ITGB7: variants seen among roughly 807,000 people sequenced by gnomAD.
ITGB7 encodes integrin subunit beta 7, also known as integrin beta-7.
Under a neutral mutation model 83.4 loss-of-function variants are expected in ITGB7, and 55 were observed. That is an observed-to-expected ratio of 0.66 (90% confidence interval 0.53 to 0.83). ITGB7 has a LOEUF of 0.83. Among genes scored for constraint, ITGB7 ranks in the 40% least tolerant of loss-of-function variants. ITGB7 has a pLI of 0.00. For synonymous variants in ITGB7, 454 were observed against 423.6 expected (o/e 1.07, Z -0.88); for missense variants, 921 against 1,046.7 (o/e 0.88, Z 1.66).
chr12:53,192,454 C>T lies in ITGB7; in HGVS notation c.2031G>A (p.Leu677=). The T allele has an allele frequency of 6.2e-7, 1 of 1,614,166 alleles. No individual in the cohort carries two copies. Among genetic ancestry groups the T allele is most frequent in the Non-Finnish European group, 8.5e-7 (1 of 1,180,044 alleles). ...CATCATCCAAGATAGGGGCCAAGGC[C>T]AGGGTCACATTGGTATGGGCACAAG... ...STACAHTNVT[L]ALAPILDDGW... is the part of the protein sequence containing the mutation. The change falls in exon 14 of 16, where the codon CTG becomes CTA. Residue 677 remains leucine (L), a synonymous_variant. Coordinates refer to ENST00000267082, the MANE Select transcript of ITGB7 (RefSeq NM_000889.3).
At position 53,197,921 on chromosome 12, in the gene ITGB7, G is replaced by GCGCCTC. The variant is rs1206156730; in HGVS notation, c.226_231dup (p.Glu76_Ala77dup). 6.5e-7 allele frequency: 1 copy of GCGCCTC among 1,543,652 alleles called. No individual in the cohort carries two copies. Among genetic ancestry groups the GCGCCTC allele is most frequent in the Non-Finnish European group, 8.7e-7 (1 of 1,152,652 alleles). ...AGCTCCTCTCGTCGGGCGCAGCGCC[G>GCGCCTC]CGCCTCCGCCTCTCCCGACGCGGTG... On this transcript the variant is annotated inframe_insertion, in exon 4 of 16. Coordinates refer to ENST00000267082, the MANE Select transcript of ITGB7 (RefSeq NM_000889.3).
At position 53,197,392 on chromosome 12, in the gene ITGB7, A is replaced by G. The variant is rs765727673; in HGVS notation, c.574+101T>C. The G allele has an allele frequency of 5.9e-6, 8 of 1,366,106 alleles. No homozygotes were observed. In the Admixed American group the frequency reaches 1.3e-4, roughly 23 times the overall value. 84.6% of individuals were successfully genotyped at this position (1,366,106 alleles called of 1,614,324 possible). A position where few individuals can be genotyped will look rare whatever the true frequency, so the allele number is the denominator to read the frequency against. ...CTGGCTAGGCCTGTCAACAACTGGG[A>G]GGGCAAGTTGGGGCCCTTGTGAGTC... On this transcript the variant is annotated intron_variant, in intron 5 of 15. Transcript: ENST00000267082.
rs1942121902 is a variant in ITGB7 at position 53,195,374 on chromosome 12, A to G, written c.1161T>C (p.Asn387=). Residue 387 remains asparagine (N), a splice_region_variant and synonymous_variant, in exon 9 of 16, where the codon AAT becomes AAC. Coordinates refer to ENST00000267082, the MANE Select transcript of ITGB7 (RefSeq NM_000889.3). ...NVVQLIMDAY[N]SLSSTVTLEH... is the part of the protein sequence containing the mutation. ...ATCTCCCCTTCCCCTGGCCCCTCAC[A>G]TTATAAGCATCCATGATGAGCTGTA... The G allele has an allele frequency of 6.2e-7, 1 of 1,607,990 alleles. No homozygotes were observed. The highest frequency in any genetic ancestry group is 1.1e-5 in the South Asian group (1 of 90,954).
At chr12:53,200,146 G>T in intron 3 of ITGB7, 97 bp downstream of exon 3, 1 of 1,063,740 alleles carries the variant, frequency 9.4e-7, no homozygotes, top group Non-Finnish European at 1.4e-6. Flanking sequence ...AATCATACAT[G>T]TGCCCACACA....
At chr12:53,204,976 C>T (rs536367505) in intron 1 of ITGB7, among the ~76,000 whole-genome samples, 90 of 151,698 alleles carry the variant, frequency 5.9e-4, no homozygotes, top group African/African-American at 2.2e-3. Context: ...AGGTGTGAGC[C>T]ACCACACCCA....
In ITGB7 at chr12:53,196,584, A is replaced by G. The variant is rs1411771124; in HGVS notation, c.811T>C (p.Cys271Arg). 13 of 1,609,404 alleles carry G rather than the reference A, an allele frequency of 8.1e-6. No homozygotes were observed. Among genetic ancestry groups the G allele is most frequent in the Non-Finnish European group, 1.1e-5 (13 of 1,176,246 alleles). The change falls in exon 6 of 16, where the codon TGC becomes CGC. Residue 271 changes from cysteine (C) to arginine (R), a missense_variant. Cys to Arg is a radical substitution (Grantham distance 180). Coordinates refer to ENST00000267082, the MANE Select transcript of ITGB7 (RefSeq NM_000889.3). ...TCCCCGCCCCACCTCCTCACCTGGCAGAGTGCAGCCTGCAGAATGGCATCG... is the reference window on the plus strand; with the variant it reads ...TCCCCGCCCCACCTCCTCACCTGGCGGAGTGCAGCCTGCAGAATGGCATCG... ...GFDAILQAAL[C>R]QEQIGWRNVS...
intron 10 of ITGB7, 107 bp from the exon 11 acceptor site, chr12:53,194,008 T>C: frequency 6.1e-6 from 8 of 1,319,018 alleles, no homozygotes; most frequent in Non-Finnish European, 8.4e-6. Flanking sequence ...AGGGATGGGG[T>C]CATGTTAACA....
intron 9 of ITGB7, chr12:53,194,729 CAG>C (rs1303865403): frequency 2.1e-5 from 4 of 192,028 alleles, no homozygotes; most frequent in Admixed American, 5.3e-5. Flanking sequence ...GATACTGTCT[CAG>C]ATTTTCTTGC....
intron 3 of ITGB7, 141 bp from the exon 4 acceptor site, chr12:53,198,092 T>G: frequency 1.7e-6 from 1 of 603,124 alleles, no homozygotes; most frequent in Non-Finnish European, 2.8e-6. Flanking sequence ...CCTCCCCTCT[T>G]CCTCGCCACA....
rs773907278 is a variant in ITGB7 at position 53,192,019 on chromosome 12, T to C, written c.2156A>G (p.Lys719Arg). ...TVVLRVRPQE[K>R]GADHTQAIVL... ...AATGGCCTGCGTGTGGTCTGCTCCC[T>C]CTGTGAACAAGAAACCAGACACACT... The change falls in exon 15 of 16, where the codon AAG (lysine) becomes AGG (arginine). Residue 719 changes from lysine (K) to arginine (R), a missense_variant and splice_region_variant. Lys to Arg is a conservative substitution (Grantham distance 26). Coordinates refer to ENST00000267082, the MANE Select transcript of ITGB7 (RefSeq NM_000889.3). The C allele has an allele frequency of 5.0e-6, 8 of 1,610,172 alleles. No individual in the cohort carries two copies. The highest frequency in any genetic ancestry group is 5.9e-6 in the Non-Finnish European group (7 of 1,178,018).
intron 3 of ITGB7, 80 bp downstream of exon 3, chr12:53,200,163 C>T (rs2120499136): frequency 2.4e-6 from 3 of 1,228,050 alleles, no homozygotes; most frequent in Non-Finnish European, 3.5e-6. Flanking sequence ...CACAATCACA[C>T]ACATATATCC....
rs1310934648 is a variant in ITGB7, at chr12:53,193,728, G to A, written c.1482C>T (p.His494=). The A allele has an allele frequency of 1.9e-6, 3 of 1,613,306 alleles. No homozygotes were observed. Among genetic ancestry groups the A allele is most frequent in the Admixed American group, 1.7e-5 (1 of 59,912 alleles). ...QAPHCSDGQG[H]LQCGVCSCAP... ...CTCACCTGCATACACCACATTGTAGGTGTCCCTGGCCATCACTGCAGTGGG... is the reference window on the plus strand; with the variant it reads ...CTCACCTGCATACACCACATTGTAGATGTCCCTGGCCATCACTGCAGTGGG... The change falls in exon 11 of 16, where the codon CAC becomes CAT. Residue 494 remains histidine (H), a synonymous_variant. Coordinates refer to ENST00000267082, the MANE Select transcript of ITGB7 (RefSeq NM_000889.3).
chr12:53,205,739 T>G (rs1027448311), intron 1 of ITGB7, among the ~76,000 whole-genome samples: 4 of 152,172 alleles, frequency 2.6e-5, no homozygotes, highest in African/African-American at 9.7e-5. Context: ...CATAAACCAT[T>G]TGCATCTTCT....
chr12:53,194,240 A>T lies in ITGB7; in HGVS notation c.1266T>A (p.Ala422=), dbSNP rs767095135. The T allele has an allele frequency of 6.2e-7, 1 of 1,613,868 alleles. No homozygotes were observed. Among genetic ancestry groups the T allele is most frequent in the African/African-American group, 1.3e-5 (1 of 74,890 alleles). ...CGTGGTTGCACTGTCCTCGATCCTC[A>T]GCCTTACCCTCCCTCTTCTCAGGAC... ...CEGPEKREGK[A]EDRGQCNHVR... Residue 422 remains alanine (A), a synonymous_variant, in exon 10 of 16, where the codon GCT becomes GCA. Coordinates refer to ENST00000267082, the MANE Select transcript of ITGB7 (RefSeq NM_000889.3).
intron 15 of ITGB7, 96 bp downstream of exon 15, chr12:53,191,763 T>C: frequency 6.4e-7 from 1 of 1,564,470 alleles, no homozygotes; most frequent in Non-Finnish European, 8.8e-7. Flanking sequence ...GTTGGTTACA[T>C]GTGCCAGGGG....
intron 2 of ITGB7, 122 bp downstream of exon 2, chr12:53,200,950 C>T (rs1592410772): frequency 6.4e-6 from 1 of 156,466 alleles, no homozygotes. Context: ...AAATAGGGGC[C>T]TCAGAGAAGA....
At position 53,197,817 on chromosome 12, in the gene ITGB7, G is replaced by C. The variant is rs1418484732; in HGVS notation, c.336C>G (p.Ser112Arg). The C allele has an allele frequency of 2.0e-6, 3 of 1,536,436 alleles. No individual in the cohort carries two copies. Among genetic ancestry groups the C allele is most frequent in the South Asian group, 2.4e-5 (2 of 83,968 alleles). ...TGGCACCCTCTCCGCGGGCGCCCTG[G>C]CTGAGCGGCTGGTCCTGCAGCACCT... is the stretch of plus-strand genomic sequence containing the variant. ...QQEVLQDQPL[S>R]QGARGEGATQ... The change falls in exon 4 of 16, where the codon AGC (serine) becomes AGG (arginine). Residue 112 changes from serine (S) to arginine (R), a missense_variant. Transcript: ENST00000267082.
In ITGB7 at chr12:53,192,460, C is replaced by T. The variant is rs1302094145; in HGVS notation, c.2025G>A (p.Val675=). ...NCSTACAHTN[V]TLALAPILDD... is the part of the protein sequence containing the mutation. Reference sequence around the variant, plus strand: ...CCAAGATAGGGGCCAAGGCCAGGGTCACATTGGTATGGGCACAAGCTGTAC... The same window carrying T: ...CCAAGATAGGGGCCAAGGCCAGGGTTACATTGGTATGGGCACAAGCTGTAC... Residue 675 remains valine (V), a synonymous_variant, in exon 14 of 16, where the codon GTG becomes GTA. Transcript: ENST00000267082. 1 of 1,614,054 alleles carries T rather than the reference C, an allele frequency of 6.2e-7. No homozygotes were observed. The highest frequency in any genetic ancestry group is 8.5e-7 in the Non-Finnish European group (1 of 1,180,056).
At chr12:53,202,308 G>A (rs1942339453) in intron 1 of ITGB7, among the ~76,000 whole-genome samples, 1 of 152,150 alleles carries the variant, frequency 6.6e-6, no homozygotes, top group South Asian at 2.1e-4. Context: ...GCAGTGAGCT[G>A]CAATTGTGCC....
Sources: allele counts gnomAD v4.1 joint callset (sites outside exome capture counted in the v4.1 genomes callset), GRCh38; gene constraint gnomAD v4.1.1; transcripts MANE v1.5; gene names NCBI Gene and HGNC (gene_info 2026-07-23, HGNC 2026-07-21).